The following BORCS5 variants were observed in gnomAD, a reference collection of about 807,000 sequenced individuals.
BORCS5 encodes BLOC-1-related complex subunit 5.
A neutral mutation model predicts 22.1 loss-of-function variants in BORCS5; 17 were observed. The ratio of observed to expected loss-of-function variants is 0.77; its 90% CI spans 0.53 to 1.15. The LOEUF (loss-of-function observed/expected upper bound fraction) is 1.15, where lower values mean the gene tolerates loss of function less well. Ranked by LOEUF, BORCS5 falls within the 50% of genes most tolerant of loss-of-function variation. The pLI is 0.00. For synonymous variants in BORCS5, 117 were observed against 99.8 expected, an observed-to-expected ratio of 1.17 and a Z score of -1.03; for missense variants, 247 against 253.2, an observed-to-expected ratio of 0.98 and a Z score of 0.17.
intron 2 of BORCS5, among the ~76,000 whole-genome samples, chr12:12,416,745 G>A (rs1347031148): frequency 2.0e-5 from 3 of 150,348 alleles, no homozygotes; most frequent in African/African-American, 7.3e-5. Flanking sequence ...ATAGATTTGA[G>A]TCACCGCACC....
rs180883738 is a variant in BORCS5 at position 12,393,927 on chromosome 12, A to G, written c.202+32578A>G. On this transcript the variant is annotated intron_variant, in intron 2 of 3. Coordinates refer to ENST00000314565, the MANE Select transcript of BORCS5 (RefSeq NM_058169.6). ...ATTGCTAGACTTGATTTTGTTTACA[A>G]TTTGGTACAGATCAGGTGTGTATGT... Among the ~76,000 whole-genome samples, 11 of 152,144 alleles carry G rather than the reference A, an allele frequency of 7.2e-5. No individual in the cohort carries two copies. In the East Asian group the frequency reaches 1.9e-3, roughly 27 times the overall value.
intron 2 of BORCS5, among the ~76,000 whole-genome samples, chr12:12,403,681 C>T (rs1439796011): frequency 3.3e-5 from 5 of 152,104 alleles, no homozygotes; most frequent in Non-Finnish European, 7.4e-5. Flanking sequence ...GTGATGTACA[C>T]GCTTGATGGA....
chr12:12,435,588 C>G (rs372834427), intron 2 of BORCS5, 40 bp from the exon 3 acceptor site: 1 of 1,556,930 alleles, frequency 6.4e-7, no homozygotes, highest in Non-Finnish European at 8.8e-7. Context: ...AGTTTATTAG[C>G]AGTAATTTTA....
chr12:12,461,239 GCTCA>G (rs1943098887), intron 3 of BORCS5, among the ~76,000 whole-genome samples: 1 of 149,778 alleles, frequency 6.7e-6, no homozygotes, highest in Admixed American at 6.8e-5. Flanking sequence ...TGTGATCACA[GCTCA>G]CTGCAGCCTG....
At chr12:12,374,181 T>G (rs572298502) in intron 2 of BORCS5, among the ~76,000 whole-genome samples, 5 of 151,164 alleles carry the variant, frequency 3.3e-5, no homozygotes, top group Non-Finnish European at 7.4e-5. Flanking sequence ...TTAGTAGAGA[T>G]GGGGTTTCAC....
chr12:12,393,854 ATC>A (rs976720656), intron 2 of BORCS5, among the ~76,000 whole-genome samples: 2 of 151,902 alleles, frequency 1.3e-5, no homozygotes, highest in Admixed American at 1.3e-4. Context: ...GAATTACATT[ATC>A]TCTCATATAA....
intron 2 of BORCS5, among the ~76,000 whole-genome samples, chr12:12,362,034 AC>A (rs1863297561): frequency 6.6e-6 from 1 of 151,782 alleles, no homozygotes; most frequent in Admixed American, 6.6e-5. Context: ...CTCCTCCCTC[AC>A]CCCCACCAAA....
intron 3 of BORCS5, among the ~76,000 whole-genome samples, chr12:12,456,058 C>G (rs1239264324): frequency 6.6e-6 from 1 of 152,168 alleles, no homozygotes; most frequent in Non-Finnish European, 1.5e-5. Flanking sequence ...TGTTATGTTG[C>G]ACATCTTTTC....
chr12:12,386,453 ATT>A (rs71061054), intron 2 of BORCS5, among the ~76,000 whole-genome samples: 1 of 140,144 alleles, frequency 7.1e-6, no homozygotes. Context: ...CACTGTTGCT[ATT>A]TTTTTTTTTT....
At chr12:12,422,755 G>T (rs921237371) in intron 2 of BORCS5, among the ~76,000 whole-genome samples, 4 of 152,008 alleles carry the variant, frequency 2.6e-5, no homozygotes, top group African/African-American at 7.2e-5. Flanking sequence ...TTTATACAGG[G>T]TGTGTCCAAA....
intron 2 of BORCS5, among the ~76,000 whole-genome samples, chr12:12,379,832 T>C (rs1011565558): frequency 6.6e-6 from 1 of 151,422 alleles, no homozygotes; most frequent in Non-Finnish European, 1.5e-5. Context: ...TAAGAACTTG[T>C]CCTTTGCATT....
intron 2 of BORCS5, among the ~76,000 whole-genome samples, chr12:12,422,713 C>A (rs1942166842): frequency 6.6e-6 from 1 of 152,044 alleles, no homozygotes. Flanking sequence ...AGTTTCCATC[C>A]CTTTCAGTTG....
In BORCS5 at chr12:12,468,931, A is replaced by G. The variant is rs1224493780; in HGVS notation, c.*3155A>G. On this transcript the variant is annotated 3_prime_UTR_variant, in exon 4 of 4. Coordinates refer to ENST00000314565, the MANE Select transcript of BORCS5 (RefSeq NM_058169.6). ...ACATATATAGTTTCCTGTGTCTTAG[A>G]TGATAACATCCTTAAAATATGAAAT... 1.3e-5 allele frequency: 2 copies of G among 152,202 alleles called. No individual in the cohort carries two copies. The highest frequency in any genetic ancestry group is 4.8e-5 in the African/African-American group (2 of 41,444). 9.4% of individuals were successfully genotyped at this position (152,202 alleles called of 1,614,324 possible). A position where few individuals can be genotyped will look rare whatever the true frequency, so the allele number is the denominator to read the frequency against.
In BORCS5 at chr12:12,470,940, C is replaced by T. The variant is rs569188991; in HGVS notation, c.*5164C>T. Among the ~76,000 whole-genome samples the T allele has an allele frequency of 2.0e-5, 3 of 152,280 alleles. No individual in the cohort carries two copies. The East Asian group carries it at 5.8e-4, about 29-fold the overall frequency. ...TCAATTTTCTTCACCAATCAAGGCT[C>T]ATTCCTTGAGGCATGAGTTATGCGA... is the stretch of plus-strand genomic sequence containing the variant. On this transcript the variant is annotated 3_prime_UTR_variant, in exon 4 of 4. Coordinates refer to ENST00000314565, the MANE Select transcript of BORCS5 (RefSeq NM_058169.6).
chr12:12,462,535 A>G (rs994399228), intron 3 of BORCS5, among the ~76,000 whole-genome samples: 2 of 152,206 alleles, frequency 1.3e-5, no homozygotes, highest in African/African-American at 4.8e-5. Context: ...TTATTGGTAG[A>G]TGAATGGATT....
intron 3 of BORCS5, among the ~76,000 whole-genome samples, chr12:12,437,360 C>T (rs989681985): frequency 6.6e-6 from 1 of 152,218 alleles, no homozygotes; most frequent in African/African-American, 2.4e-5. Flanking sequence ...AACTGTGAGT[C>T]AACTAAACCT....
At chr12:12,414,689 G>GAC in intron 2 of BORCS5, among the ~76,000 whole-genome samples, 1 of 74,062 alleles carries the variant, frequency 1.4e-5, no homozygotes, top group Admixed American at 1.2e-4. Context: ...GCGGGGGGCT[G>GAC]ACCCCCCCCA....
intron 2 of BORCS5, among the ~76,000 whole-genome samples, chr12:12,377,120 A>T (rs1863672131): frequency 6.6e-6 from 1 of 151,762 alleles, no homozygotes; most frequent in South Asian, 2.1e-4. Context: ...CTATCTCTGT[A>T]CTCAGAGAAG....
intron 2 of BORCS5, among the ~76,000 whole-genome samples, chr12:12,392,247 G>A (rs1389707238): frequency 6.6e-6 from 1 of 151,786 alleles, no homozygotes; most frequent in Non-Finnish European, 1.5e-5. Context: ...CCCTTTTAGA[G>A]ATGAGGAAAA....
Sources: allele counts gnomAD v4.1 joint callset (sites outside exome capture counted in the v4.1 genomes callset), GRCh38; gene constraint gnomAD v4.1.1; transcripts MANE v1.5; gene names NCBI Gene and HGNC (gene_info 2026-07-23, HGNC 2026-07-21).